BABAM2: variants seen among roughly 807,000 people sequenced by gnomAD.
BABAM2 encodes the protein BRISC and BRCA1-A complex member 2.
A neutral mutation model predicts 54.7 loss-of-function variants in BABAM2; 31 were observed. That is an observed-to-expected ratio of 0.57 (90% confidence interval 0.43 to 0.77). The LOEUF is 0.77. Ranked by LOEUF, BABAM2 falls within the 30% of genes least tolerant of loss-of-function variation. BABAM2 has a pLI of 0.00. For missense variants in BABAM2, 364 were observed against 455.8 expected, an observed-to-expected ratio of 0.80 and a Z score of 1.83; for synonymous variants, 167 against 162.9, an observed-to-expected ratio of 1.03 and a Z score of -0.19.
chr2:28,211,544 C>T (rs1398823785), intron 7 of BABAM2, among the ~76,000 whole-genome samples: 3 of 151,852 alleles, frequency 2.0e-5, no homozygotes, highest in Non-Finnish European at 2.9e-5. Flanking sequence ...TCTGCCACCA[C>T]GCCCAGCTAA....
At chr2:27,940,258 G>A (rs1668774467) in intron 3 of BABAM2, among the ~76,000 whole-genome samples, 1 of 152,152 alleles carries the variant, frequency 6.6e-6, no homozygotes. Context: ...AGCCATGAGT[G>A]TCATATAAAC....
At position 28,175,241 on chromosome 2, in the gene BABAM2, C is replaced by A. The variant is rs117952190; in HGVS notation, c.680+45861C>A. Among the ~76,000 whole-genome samples the A allele has an allele frequency of 6.6e-5, 10 of 152,284 alleles. No homozygotes were observed. The East Asian group carries it at 1.7e-3, about 26-fold the overall frequency. On this transcript the variant is annotated intron_variant, in intron 7 of 11. Transcript: ENST00000379624. ...TGCTACTGACAGCAACTCTGTCCAC[C>A]CCCTGCAGGGCTGCAGAGCACTTGC... is the stretch of plus-strand genomic sequence containing the variant.
chr2:28,194,204 T>C (rs1284996278), intron 7 of BABAM2, among the ~76,000 whole-genome samples: 1 of 152,084 alleles, frequency 6.6e-6, no homozygotes, highest in Non-Finnish European at 1.5e-5. Flanking sequence ...CAGATGGTGT[T>C]GGGGCCTTGT....
intron 3 of BABAM2, among the ~76,000 whole-genome samples, chr2:27,968,807 T>G (rs967003564): frequency 6.6e-6 from 1 of 152,254 alleles, no homozygotes; most frequent in Non-Finnish European, 1.5e-5. Flanking sequence ...ACTAACTTGC[T>G]TTTGATTTTA....
chr2:28,214,097 T>G (rs1233133339), intron 7 of BABAM2, among the ~76,000 whole-genome samples: 1 of 152,158 alleles, frequency 6.6e-6, no homozygotes, highest in Non-Finnish European at 1.5e-5. Flanking sequence ...AAATTGACAT[T>G]GGCATGTTAC....
At chr2:28,286,334 G>A (rs1474795318) in intron 10 of BABAM2, among the ~76,000 whole-genome samples, 1 of 152,164 alleles carries the variant, frequency 6.6e-6, no homozygotes, top group Non-Finnish European at 1.5e-5. Context: ...ATAGGAAAGT[G>A]TCTGCCACAC....
At position 28,098,744 on chromosome 2, in the gene BABAM2, A is replaced by C. The variant is rs922092380; in HGVS notation, c.571-30527A>C. Among the ~76,000 whole-genome samples the C allele has an allele frequency of 2.0e-5, 3 of 152,366 alleles. No homozygotes were observed. The South Asian group carries it at 6.2e-4, about 32-fold the overall frequency. On this transcript the variant is annotated intron_variant, in intron 6 of 11. Transcript: ENST00000379624. Reference sequence around the variant, plus strand: ...ATATTGGACTTGTTGGAATGTGTTCACATATGTGAAGAAAGAATGTATCAA... The same window carrying C: ...ATATTGGACTTGTTGGAATGTGTTCCCATATGTGAAGAAAGAATGTATCAA...
intron 6 of BABAM2, among the ~76,000 whole-genome samples, chr2:28,054,696 G>T (rs1296475374): frequency 6.6e-6 from 1 of 152,150 alleles, no homozygotes; most frequent in African/African-American, 2.4e-5. Context: ...CCTTGATCAT[G>T]GACATTCTAG....
At chr2:27,984,656 G>A (rs890827795) in intron 3 of BABAM2, among the ~76,000 whole-genome samples, 1 of 151,162 alleles carries the variant, frequency 6.6e-6, no homozygotes, top group African/African-American at 2.4e-5. Flanking sequence ...TTTATTTTTA[G>A]TTTTTTTTGT....
intron 10 of BABAM2, among the ~76,000 whole-genome samples, chr2:28,277,979 G>T (rs1252816650): frequency 1.3e-5 from 2 of 152,200 alleles, no homozygotes; most frequent in African/African-American, 4.8e-5. Flanking sequence ...AGTGCAATTA[G>T]AAATCTGGTA....
chr2:28,258,884 C>T (rs1573948240), intron 10 of BABAM2, among the ~76,000 whole-genome samples: 1 of 151,730 alleles, frequency 6.6e-6, no homozygotes, highest in East Asian at 1.9e-4. Context: ...TCAAGCAGTT[C>T]TCCTGCCTCA....
At chr2:28,193,146 G>A (rs965442206) in intron 7 of BABAM2, among the ~76,000 whole-genome samples, 5 of 152,018 alleles carry the variant, frequency 3.3e-5, no homozygotes, top group African/African-American at 1.2e-4. Flanking sequence ...CTCCAACATG[G>A]GCGACATGAG....
intron 5 of BABAM2, among the ~76,000 whole-genome samples, chr2:28,032,852 T>C (rs1374253196): frequency 6.6e-6 from 1 of 152,122 alleles, no homozygotes; most frequent in Non-Finnish European, 1.5e-5. Context: ...ATATAGGAAG[T>C]TGCAAAGTAG....
Position 27,930,128 on chromosome 2 carries a change from C to T in BABAM2, c.205+220C>T. The T allele has an allele frequency of 1.7e-5, 8 of 459,024 alleles. No individual in the cohort carries two copies. In the South Asian group the frequency reaches 2.1e-4, roughly 12 times the overall value. 28.4% of individuals were successfully genotyped at this position (459,024 alleles called of 1,614,324 possible). ...GTTAAATAGGCATGCACAGAAATTC[C>T]TAATATTTAGGCATGCCCGGTAATT... On this transcript the variant is annotated intron_variant, in intron 3 of 11. Transcript: ENST00000379624.
rs71827601 is a variant in BABAM2 at position 28,030,097 on chromosome 2, TTAA to T, written c.495+4686_495+4688del. ...GCCTTCCTGTCTCATTCCCCCTTTTTTAATAATAATAGTGAATTTGAATATAAT... is the reference window on the plus strand; with the variant it reads ...GCCTTCCTGTCTCATTCCCCCTTTTTTAATAATAGTGAATTTGAATATAAT... On this transcript the variant is annotated intron_variant, in intron 5 of 11. Coordinates refer to ENST00000379624, the MANE Select transcript of BABAM2 (RefSeq NM_199191.3). Among the ~76,000 whole-genome samples the T allele has an allele frequency of 6.1e-3, 927 of 152,278 alleles. 10 individuals are homozygous for T. Among genetic ancestry groups the T allele is most frequent in the African/African-American group, 0.02 (825 of 41,556 alleles).
At chr2:28,334,370 C>T (rs1210646021) in intron 11 of BABAM2, among the ~76,000 whole-genome samples, 1 of 152,260 alleles carries the variant, frequency 6.6e-6, no homozygotes, top group Non-Finnish European at 1.5e-5. Flanking sequence ...CCCTGCCCAG[C>T]TCAGGCCAGC....
intron 6 of BABAM2, among the ~76,000 whole-genome samples, chr2:28,125,549 TC>T (rs887474846): frequency 6.6e-6 from 1 of 152,154 alleles, no homozygotes; most frequent in African/African-American, 2.4e-5. Flanking sequence ...CACCTCGGCC[TC>T]CCAAAGTGCT....
intron 2 of BABAM2, among the ~76,000 whole-genome samples, chr2:27,901,872 A>G (rs537459426): frequency 2.6e-5 from 4 of 152,202 alleles, no homozygotes; most frequent in Admixed American, 1.3e-4. Flanking sequence ...ACATAAATAT[A>G]TTCCTCAACA....
intron 6 of BABAM2, among the ~76,000 whole-genome samples, chr2:28,109,167 C>G (rs1282859976): frequency 6.7e-6 from 1 of 149,716 alleles, no homozygotes; most frequent in African/African-American, 2.5e-5. Flanking sequence ...CCCTTTGCTG[C>G]TCTAAAGACA....
Sources: gnomAD v4.1 joint callset for allele counts (sites outside exome capture counted in the v4.1 genomes callset) on GRCh38, gnomAD v4.1.1 for gene constraint, MANE v1.5 for transcripts, NCBI Gene and HGNC (gene_info 2026-07-23, HGNC 2026-07-21) for gene names.